The following AGAP1 variants were observed in gnomAD, a reference collection of about 807,000 sequenced individuals.
AGAP1 encodes ArfGAP with GTPase domain, ankyrin repeat and PH domain 1.
In AGAP1, 29 loss-of-function variants were observed where a neutral mutation model predicts 105.3. That is an observed-to-expected ratio of 0.28 (90% CI 0.21 to 0.38). AGAP1 has a LOEUF of 0.38. Ranked by LOEUF, AGAP1 falls within the 10% of genes least tolerant of loss-of-function variation. The probability of loss-of-function intolerance (pLI) is 1.00; values close to 1 mark genes in which losing one functional copy is unlikely to be tolerated. For synonymous variants in AGAP1, 509 were observed against 485.9 expected (o/e 1.05, Z -0.63); for missense variants, 998 against 1,165.1 (o/e 0.86, Z 2.09).
intron 9 of AGAP1, among the ~76,000 whole-genome samples, chr2:235,850,780 A>G (rs2048409718): frequency 6.6e-6 from 1 of 152,330 alleles, no homozygotes; most frequent in Admixed American, 6.5e-5. Flanking sequence ...ATTTGAAAGC[A>G]TGATGACTGT....
In AGAP1 at chr2:235,900,126, T is replaced by A. The variant is rs983241207; in HGVS notation, c.1156-8612T>A. On this transcript the variant is annotated intron_variant, in intron 10 of 17. Transcript: ENST00000304032. This position sits in a 1 kb window ranked among gnomAD's most constrained non-coding sequence, Gnocchi z 5.5. Reference sequence around the variant, plus strand: ...CTGTACATGAAGCTGCCACCACTGGTCCCCAACAAGGCCTCACCAGCCTTC... The same window carrying A: ...CTGTACATGAAGCTGCCACCACTGGACCCCAACAAGGCCTCACCAGCCTTC... Among the ~76,000 whole-genome samples the A allele has an allele frequency of 6.6e-6, 1 of 152,164 alleles. No individual in the cohort carries two copies. Among genetic ancestry groups the A allele is most frequent in the African/African-American group, 2.4e-5 (1 of 41,432 alleles).
At chr2:235,759,388 C>G (rs1005262942) in intron 6 of AGAP1, among the ~76,000 whole-genome samples, 31 of 151,034 alleles carry the variant, frequency 2.1e-4, no homozygotes, top group Middle Eastern at 3.4e-3. Flanking sequence ...CCAGGATGGT[C>G]TTGATCTCCT....
chr2:235,636,158 C>T (rs1553592522), intron 1 of AGAP1, among the ~76,000 whole-genome samples: 1 of 122,866 alleles, frequency 8.1e-6, no homozygotes, highest in Non-Finnish European at 1.7e-5. Context: ...TAAATAAAGT[C>T]TCATCTTATG....
chr2:235,822,269 C>G (rs1164514380), intron 9 of AGAP1, among the ~76,000 whole-genome samples: 1 of 152,138 alleles, frequency 6.6e-6, no homozygotes, highest in Non-Finnish European at 1.5e-5. Flanking sequence ...ATTTAAAGTG[C>G]TTTTTTAACT....
At chr2:235,619,469 A>T (rs1249578956) in intron 1 of AGAP1, among the ~76,000 whole-genome samples, 3 of 120,622 alleles carry the variant, frequency 2.5e-5, no homozygotes, top group Admixed American at 9.3e-5. Flanking sequence ...TGGGATTCAA[A>T]CCTGGGGCTG....
rs569092813 is a variant in AGAP1, at chr2:236,092,245, A to G, written c.2115-27947A>G. Reference sequence around the variant, plus strand: ...TGGACACATAAATACAAATGACCACAAGGAAAATCGGAAATGTGGACAAGC... The same window carrying G: ...TGGACACATAAATACAAATGACCACGAGGAAAATCGGAAATGTGGACAAGC... On this transcript the variant is annotated intron_variant, in intron 16 of 17. Transcript: ENST00000304032. The surrounding 1 kb of genome is among the most constrained non-coding windows in gnomAD (Gnocchi z 4.7). 1.3e-5 allele frequency among the ~76,000 whole-genome samples: 2 copies of G among 152,318 alleles called. No homozygotes were observed. Among genetic ancestry groups the G allele is most frequent in the Admixed American group, 1.3e-4 (2 of 15,302 alleles).
rs1048106181 is a variant in AGAP1 at position 236,083,158 on chromosome 2, A to C, written c.2114+33877A>C. On this transcript the variant is annotated intron_variant, in intron 16 of 17. Coordinates refer to ENST00000304032, the MANE Select transcript of AGAP1 (RefSeq NM_001037131.3). The surrounding 1 kb of genome is among the most constrained non-coding windows in gnomAD (Gnocchi z 5.3). The stretch of plus-strand genomic sequence containing the variant: ...CAACGAGCGAAATTCCATCTCAAAA[A>C]AAAAGAAAAAGAAAAGAGGCCTCGC... Among the ~76,000 whole-genome samples the C allele has an allele frequency of 7.0e-6, 1 of 143,234 alleles. No individual in the cohort carries two copies. Among genetic ancestry groups the C allele is most frequent in the Non-Finnish European group, 1.5e-5 (1 of 65,238 alleles). 94.0% of individuals were successfully genotyped at this position (143,234 alleles called of 152,430 possible). A position where few individuals can be genotyped will look rare whatever the true frequency, so the allele number is the denominator to read the frequency against.
intron 1 of AGAP1, among the ~76,000 whole-genome samples, chr2:235,629,268 TTGTGTGTGTGTGTGTG>T (rs60059513): frequency 0.017 from 2,324 of 135,774 alleles, 46 homozygotes; most frequent in African/African-American, 0.044. Flanking sequence ...GTAGTAGTCA[TTGTGTGTGTGTGTGTG>T]TGTGTGTGTG....
At position 235,623,461 on chromosome 2, in the gene AGAP1, T is replaced by C. The variant is rs925431456; in HGVS notation, c.164-85718T>C. On this transcript the variant is annotated intron_variant, in intron 1 of 17. Coordinates refer to ENST00000304032, the MANE Select transcript of AGAP1 (RefSeq NM_001037131.3). This position sits in a 1 kb window ranked among gnomAD's most constrained non-coding sequence, Gnocchi z 4.5. ...GCTTTGGGATTTGCTGCTTCAAGGT[T>C]TCAGGATGACACAAGCCATCGGGTT... Among the ~76,000 whole-genome samples, 3 of 152,182 alleles carry C rather than the reference T, an allele frequency of 2.0e-5. No individual in the cohort carries two copies. The East Asian group carries it at 5.8e-4, about 29-fold the overall frequency.
Position 235,904,698 on chromosome 2 carries a change from C to T in AGAP1, c.1156-4040C>T, listed in dbSNP as rs942491198. 6.6e-6 allele frequency among the ~76,000 whole-genome samples: 1 copy of T among 152,130 alleles called. No individual in the cohort carries two copies. Among genetic ancestry groups the T allele is most frequent in the African/African-American group, 2.4e-5 (1 of 41,418 alleles). ...GGTCTGCACAGCCCCTTGACTTCTA[C>T]GGAGGACATTGTTTAGTGGTTGTAG... On this transcript the variant is annotated intron_variant, in intron 10 of 17. Coordinates refer to ENST00000304032, the MANE Select transcript of AGAP1 (RefSeq NM_001037131.3). The surrounding 1 kb of genome is among the most constrained non-coding windows in gnomAD (Gnocchi z 4.2).
At chr2:236,068,478 T>C (rs951831945) in intron 16 of AGAP1, among the ~76,000 whole-genome samples, 2 of 152,000 alleles carry the variant, frequency 1.3e-5, no homozygotes, top group Admixed American at 6.6e-5. Context: ...TAAAATGATA[T>C]GCTTTTTGAC....
At chr2:235,524,133 G>A (rs1386725879) in intron 1 of AGAP1, among the ~76,000 whole-genome samples, 1 of 152,206 alleles carries the variant, frequency 6.6e-6, no homozygotes, top group African/African-American at 2.4e-5. Context: ...ATGCTGATGT[G>A]TATTCTTACC....
intron 5 of AGAP1, among the ~76,000 whole-genome samples, chr2:235,749,203 A>G (rs1400544818): frequency 7.2e-6 from 1 of 139,682 alleles, no homozygotes; most frequent in Non-Finnish European, 1.6e-5. Context: ...GTGAGACTCC[A>G]TCTCATTAAA....
intron 10 of AGAP1, among the ~76,000 whole-genome samples, chr2:235,897,134 G>A (rs572592669): frequency 4.6e-5 from 7 of 152,258 alleles, no homozygotes; most frequent in Admixed American, 2.0e-4. Context: ...CCAGGCTGGA[G>A]TGCTGTGGCG....
chr2:235,748,645 T>C (rs1953166897), intron 5 of AGAP1, among the ~76,000 whole-genome samples: 1 of 152,102 alleles, frequency 6.6e-6, no homozygotes, highest in Non-Finnish European at 1.5e-5. Context: ...TTCATAGGGC[T>C]AAGAAAATAA....
intron 1 of AGAP1, among the ~76,000 whole-genome samples, chr2:235,699,490 C>T (rs796857352): frequency 1.6e-4 from 24 of 152,226 alleles, no homozygotes; most frequent in African/African-American, 5.3e-4. Flanking sequence ...TGAATTCTCA[C>T]GGGTTAAATG....
intron 9 of AGAP1, among the ~76,000 whole-genome samples, chr2:235,847,404 ATGT>A (rs1304683483): frequency 1.1e-4 from 17 of 152,342 alleles, no homozygotes; most frequent in Non-Finnish European, 2.2e-4. Flanking sequence ...AATGAAAATG[ATGT>A]TGTTACACAG....
At chr2:235,819,980 C>T (rs1288967405) in intron 9 of AGAP1, among the ~76,000 whole-genome samples, 1 of 150,350 alleles carries the variant, frequency 6.7e-6, no homozygotes, top group South Asian at 2.1e-4. Context: ...CTCAGCTCAC[C>T]GCAACCTCCG....
Position 235,690,892 on chromosome 2 carries a change from C to T in AGAP1, c.164-18287C>T, listed in dbSNP as rs1487538061. On this transcript the variant is annotated intron_variant, in intron 1 of 17. Transcript: ENST00000304032. The surrounding 1 kb of genome is among the most constrained non-coding windows in gnomAD (Gnocchi z 4.1). ...TTATTTTCAGAGTTCTAAATCCAGC[C>T]ATATAAATACTTCGGATCTGGCCTG... is the stretch of plus-strand genomic sequence containing the variant. Among the ~76,000 whole-genome samples, 1 of 152,138 alleles carries T rather than the reference C, an allele frequency of 6.6e-6. No homozygotes were observed. Among genetic ancestry groups the T allele is most frequent in the Non-Finnish European group, 1.5e-5 (1 of 68,030 alleles).
Sources: allele counts gnomAD v4.1 joint callset (sites outside exome capture counted in the v4.1 genomes callset), GRCh38; gene constraint gnomAD v4.1.1; non-coding constraint Gnocchi (gnomAD v3.1); transcripts MANE v1.5; gene names NCBI Gene and HGNC (gene_info 2026-07-23, HGNC 2026-07-21).